The following ARHGEF9 variants were observed in gnomAD, a reference collection of about 807,000 sequenced individuals.
ARHGEF9 encodes Cdc42 guanine nucleotide exchange factor 9.
In ARHGEF9, 2 loss-of-function variants were observed where a neutral mutation model predicts 41.3. The observed-to-expected ratio is 0.05, with a 90% CI of 0.02 to 0.15. ARHGEF9 has a LOEUF of 0.15. Among genes scored for constraint, ARHGEF9 ranks in the 10% least tolerant of loss-of-function variants. The probability of loss-of-function intolerance (pLI) is 1.00; values close to 1 mark genes in which losing one functional copy is unlikely to be tolerated. For synonymous variants in ARHGEF9, 160 were observed against 154.4 expected (o/e 1.04, Z -0.27); for missense variants, 225 against 424.7 (o/e 0.53, Z 4.13).
chrX:63,776,117 C>A (rs1238730253), intron 1 of ARHGEF9, among the ~76,000 whole-genome samples: 2 of 110,864 alleles, frequency 1.8e-5, no homozygotes, highest in East Asian at 2.9e-4. Flanking sequence ...ATGAGAAAAA[C>A]CCCTTTTTCC....
At chrX:63,744,328 C>T (rs1441516620) in intron 1 of ARHGEF9, among the ~76,000 whole-genome samples, 7 of 112,443 alleles carry the variant, frequency 6.2e-5, no homozygotes, top group Non-Finnish European at 1.1e-4. Context: ...TCCAGGAATT[C>T]ACATCCTTGC....
At position 63,692,575 on chromosome X, in the gene ARHGEF9, A is replaced by G. The variant is rs1160339464; in HGVS notation, c.582+4550T>C. ...CAAAAAATAACAAATGCTGAAGAGG[A>G]TGCAGAGAACAGAGAACTCTCATAC... On this transcript the variant is annotated intron_variant, in intron 4 of 9. Coordinates refer to ENST00000671741, the MANE Select transcript of ARHGEF9 (RefSeq NM_001353921.2). Among the ~76,000 whole-genome samples, 15 of 112,439 alleles carry G rather than the reference A, an allele frequency of 1.3e-4. 1 individual carries two copies. Among genetic ancestry groups the G allele is most frequent in the Admixed American group, 1.3e-3 (14 of 10,620 alleles).
chrX:63,741,658 T>C (rs1368417803), intron 1 of ARHGEF9, among the ~76,000 whole-genome samples: 1 of 112,591 alleles, frequency 8.9e-6, no homozygotes, highest in Non-Finnish European at 1.9e-5. Flanking sequence ...TGAGAGTGCA[T>C]CTCAGCATGC....
At chrX:63,772,371 C>A (rs1556455415) in intron 1 of ARHGEF9, among the ~76,000 whole-genome samples, 1 of 111,910 alleles carries the variant, frequency 8.9e-6, no homozygotes. Flanking sequence ...CTCTACAGGG[C>A]CTGCAAAAGT....
At chrX:63,678,230 G>T in intron 5 of ARHGEF9, 110 bp downstream of exon 5, 1 of 646,608 alleles carries the variant, frequency 1.5e-6, no homozygotes, top group Non-Finnish European at 2.5e-6. Flanking sequence ...ATCCTGTTTT[G>T]CAGATAAGTT....
At chrX:63,762,105 A>C (rs1371462734) in intron 1 of ARHGEF9, among the ~76,000 whole-genome samples, 1 of 111,424 alleles carries the variant, frequency 9.0e-6, no homozygotes, top group East Asian at 2.8e-4. Context: ...GTAGAGCCTA[A>C]TCTCCTGGAT....
At chrX:63,670,506 A>G (rs781971880) in intron 6 of ARHGEF9, among the ~76,000 whole-genome samples, 2 of 110,100 alleles carry the variant, frequency 1.8e-5, no homozygotes, top group Non-Finnish European at 3.8e-5. Context: ...AATATGAGCT[A>G]CAATGTTAGG....
At chrX:63,672,186 C>G (rs1556356464) in intron 6 of ARHGEF9, among the ~76,000 whole-genome samples, 2 of 110,719 alleles carry the variant, frequency 1.8e-5, no homozygotes, top group African/African-American at 6.6e-5. Context: ...GAGAAGACAA[C>G]AGTCTATGAA....
At chrX:63,704,626 C>A (rs2052408502) in intron 3 of ARHGEF9, among the ~76,000 whole-genome samples, 2 of 112,142 alleles carry the variant, frequency 1.8e-5, no homozygotes, top group Admixed American at 9.4e-5. Flanking sequence ...AGAAAATTAC[C>A]TTTTTCCAAA....
chrX:63,662,373 G>A (rs1253033039), intron 7 of ARHGEF9, among the ~76,000 whole-genome samples: 2 of 111,950 alleles, frequency 1.8e-5, no homozygotes, highest in Admixed American at 9.5e-5. Context: ...GACACTCTCT[G>A]TCCTGTGCAA....
chrX:63,709,944 G>A (rs58726695), intron 2 of ARHGEF9, among the ~76,000 whole-genome samples: 4,053 of 110,300 alleles, frequency 0.037, 155 homozygotes, highest in African/African-American at 0.12. Context: ...TATCTTTAAT[G>A]TGCATTTTTA....
At chrX:63,742,824 T>A (rs1445931237) in intron 1 of ARHGEF9, among the ~76,000 whole-genome samples, 4 of 112,497 alleles carry the variant, frequency 3.6e-5, no homozygotes, top group Non-Finnish European at 7.5e-5. Flanking sequence ...GATATCCAGA[T>A]GAATTTATTG....
At chrX:63,668,555 A>G (rs1198633433) in intron 6 of ARHGEF9, among the ~76,000 whole-genome samples, 1 of 112,299 alleles carries the variant, frequency 8.9e-6, no homozygotes, top group Admixed American at 9.4e-5. Flanking sequence ...TAGTCTCTCT[A>G]TAACTCAGTT....
At chrX:63,780,633 A>C (rs1264432861) in intron 1 of ARHGEF9, among the ~76,000 whole-genome samples, 2 of 112,361 alleles carry the variant, frequency 1.8e-5, no homozygotes, top group African/African-American at 3.2e-5. Context: ...ACAACAACAA[A>C]AACAAAACAA....
intron 2 of ARHGEF9, among the ~76,000 whole-genome samples, chrX:63,721,556 GA>G (rs1321029438): frequency 9.2e-6 from 1 of 109,072 alleles, no homozygotes; most frequent in African/African-American, 3.3e-5. Flanking sequence ...CCCAAAGTCA[GA>G]AAAAAAAGGT....
chrX:63,645,791 G>A (rs2048006368), intron 8 of ARHGEF9, among the ~76,000 whole-genome samples: 1 of 111,902 alleles, frequency 8.9e-6, no homozygotes, highest in African/African-American at 3.3e-5. Context: ...CTAGATCCCT[G>A]AGGAATCACC....
intron 1 of ARHGEF9, among the ~76,000 whole-genome samples, chrX:63,729,991 T>C (rs185178613): frequency 8.9e-6 from 1 of 112,320 alleles, no homozygotes; most frequent in East Asian, 2.8e-4. Flanking sequence ...TATCTGTTTA[T>C]CAGCTGTCAT....
In ARHGEF9 at chrX:63,652,229, T is replaced by A. The variant is rs782269976; in HGVS notation, c.1321+3265A>T. ...GAAATAAAGCTAAATATAAAATGAA[T>A]GTCTAGCAAAAAACGAACAGTCAGC... On this transcript the variant is annotated intron_variant, in intron 8 of 9. Coordinates refer to ENST00000671741, the MANE Select transcript of ARHGEF9 (RefSeq NM_001353921.2). Among the ~76,000 whole-genome samples the A allele has an allele frequency of 1.3e-4, 14 of 111,745 alleles. 1 individual carries two copies. The South Asian group carries it at 5.2e-3, about 42-fold the overall frequency.
chrX:63,660,038 C>T (rs1340167655), intron 7 of ARHGEF9, among the ~76,000 whole-genome samples: 3 of 111,744 alleles, frequency 2.7e-5, no homozygotes, highest in Non-Finnish European at 3.8e-5. Flanking sequence ...ATCCCATTAT[C>T]GGGTATGTAC....
Sources: allele counts gnomAD v4.1 joint callset (sites outside exome capture counted in the v4.1 genomes callset), GRCh38; gene constraint gnomAD v4.1.1; transcripts MANE v1.5; gene names NCBI Gene and HGNC (gene_info 2026-07-23, HGNC 2026-07-21).